Variants in PEAK1 observed in about 807,000 individuals in gnomAD.
PEAK1 encodes pseudopodium enriched atypical kinase 1.
A neutral mutation model predicts 124.7 loss-of-function variants in PEAK1; 54 were observed. The observed-to-expected ratio is 0.43, with a 90% CI of 0.35 to 0.54. PEAK1 has a LOEUF of 0.54. Among genes scored for constraint, PEAK1 ranks in the 20% least tolerant of loss-of-function variants. The probability of loss-of-function intolerance (pLI) is 0.01; values close to 1 mark genes in which losing one functional copy is unlikely to be tolerated. For synonymous variants in PEAK1, 719 were observed against 760.0 expected (o/e 0.95, Z 0.89); for missense variants, 2,046 against 2,134.5 (o/e 0.96, Z 0.82).
At chr15:77,372,259 G>A (rs963621675) in intron 1 of PEAK1, among the ~76,000 whole-genome samples, 2 of 152,096 alleles carry the variant, frequency 1.3e-5, no homozygotes, top group Non-Finnish European at 2.9e-5. Flanking sequence ...CCTTAAAGGG[G>A]TCCACATACT....
intron 1 of PEAK1, among the ~76,000 whole-genome samples, chr15:77,385,150 CA>C (rs1452314386): frequency 6.6e-6 from 1 of 152,074 alleles, no homozygotes; most frequent in Non-Finnish European, 1.5e-5. Context: ...TGCCTACACC[CA>C]AAACCACACT....
At chr15:77,271,092 C>A (rs1300804089) in intron 5 of PEAK1, among the ~76,000 whole-genome samples, 1 of 151,996 alleles carries the variant, frequency 6.6e-6, no homozygotes, top group East Asian at 1.9e-4. Flanking sequence ...AAGAAAAAAA[C>A]AAACAACCCC....
chr15:77,124,702 CTTATG>C (rs2052222520), intron 9 of PEAK1, among the ~76,000 whole-genome samples: 1 of 152,186 alleles, frequency 6.6e-6, no homozygotes, highest in African/African-American at 2.4e-5. Context: ...CATCCAAAAT[CTTATG>C]TTATTTCTGT....
At chr15:77,333,145 T>A (rs2065995081) in intron 2 of PEAK1, 1 of 873,584 alleles carries the variant, frequency 1.1e-6, no homozygotes, top group Non-Finnish European at 1.4e-6. Context: ...TAAAACACTT[T>A]ATTTATTTAT....
At chr15:77,341,957 G>C (rs1442335765) in intron 2 of PEAK1, among the ~76,000 whole-genome samples, 1 of 151,880 alleles carries the variant, frequency 6.6e-6, no homozygotes, top group Non-Finnish European at 1.5e-5. Context: ...TTTTAGAACA[G>C]TTTTAGATTT....
intron 2 of PEAK1, among the ~76,000 whole-genome samples, chr15:77,322,829 C>G (rs1056124977): frequency 5.3e-5 from 8 of 151,800 alleles, no homozygotes; most frequent in African/African-American, 1.9e-4. Context: ...ACAACAACAA[C>G]AAAAAAAGAA....
intron 1 of PEAK1, among the ~76,000 whole-genome samples, chr15:77,413,974 C>T (rs563119493): frequency 3.3e-5 from 5 of 152,032 alleles, no homozygotes; most frequent in South Asian, 4.1e-4. Flanking sequence ...CAGGCACATG[C>T]CACCACACCC....
chr15:77,336,650 G>T, intron 2 of PEAK1: 1 of 516,790 alleles, frequency 1.9e-6, no homozygotes, highest in Non-Finnish European at 2.5e-6. Context: ...TCCAACAACA[G>T]ATCAATCACA....
intron 5 of PEAK1, among the ~76,000 whole-genome samples, chr15:77,264,125 G>A (rs1432256102): frequency 6.6e-5 from 10 of 152,050 alleles, no homozygotes; most frequent in South Asian, 2.1e-4. Flanking sequence ...AGAGCTATCT[G>A]TGACAAACCC....
intron 7 of PEAK1, 143 bp from the exon 8 acceptor site, chr15:77,158,839 C>A (rs996872596): frequency 2.7e-6 from 2 of 743,730 alleles, no homozygotes; most frequent in Admixed American, 5.4e-5. Context: ...GGCAGTACTT[C>A]ATTTAGGCAG....
intron 9 of PEAK1, among the ~76,000 whole-genome samples, chr15:77,132,729 T>C (rs2052982477): frequency 6.6e-6 from 1 of 151,810 alleles, no homozygotes; most frequent in African/African-American, 2.4e-5. Context: ...CTTTGACTTC[T>C]TGAGTTTGGG....
At chr15:77,144,144 G>A (rs1016477799) in intron 8 of PEAK1, among the ~76,000 whole-genome samples, 5 of 152,144 alleles carry the variant, frequency 3.3e-5, no homozygotes, top group East Asian at 1.9e-4. Flanking sequence ...GGTGAAGAAC[G>A]GCTGATCGTG....
chr15:77,133,788 G>GT lies in PEAK1; in HGVS notation c.3332-39dup. Reference sequence around the variant, plus strand: ...TAAAGCAATAAAAAGAAAAGAGTAAGTAAAGTTTTCAATCTAATTTTATAA... The same window carrying GT: ...TAAAGCAATAAAAAGAAAAGAGTAAGTTAAAGTTTTCAATCTAATTTTATAA... On this transcript the variant is annotated intron_variant, in intron 8 of 9. Transcript: ENST00000682557. This position sits in a 1 kb window ranked among gnomAD's most constrained non-coding sequence, Gnocchi z 4.2. 2.0e-6 allele frequency: 3 copies of GT among 1,508,558 alleles called. No homozygotes were observed. Among genetic ancestry groups the GT allele is most frequent in the Non-Finnish European group, 2.7e-6 (3 of 1,131,836 alleles). The allele number at this position is 1,508,558 out of a possible 1,614,324, so 93.4% of individuals were successfully genotyped here.
chr15:77,420,887 C>T (rs746815689), upstream of PEAK1: 75 of 398,620 alleles, frequency 1.9e-4, no homozygotes, highest in Middle Eastern at 1.9e-3. Flanking sequence ...AATTTTTGTC[C>T]AGCTGTGAGA....
At chr15:77,316,301 C>T (rs76891316) in intron 2 of PEAK1, among the ~76,000 whole-genome samples, 1,561 of 152,226 alleles carry the variant, frequency 0.01, 32 homozygotes, top group African/African-American at 0.036. Context: ...TTCTGTAATG[C>T]CATCACCACA....
At chr15:77,298,250 G>T (rs1226975206) in intron 2 of PEAK1, among the ~76,000 whole-genome samples, 1 of 82,968 alleles carries the variant, frequency 1.2e-5, no homozygotes, top group Non-Finnish European at 2.1e-5. Context: ...AGGTAGTCTC[G>T]CTGTGCTGCC....
intron 1 of PEAK1, among the ~76,000 whole-genome samples, chr15:77,413,355 T>C (rs1348282580): frequency 1.3e-5 from 2 of 152,128 alleles, no homozygotes; most frequent in Non-Finnish European, 1.5e-5. Context: ...AAAGGAAAAA[T>C]AGTAACTTTA....
rs141001031 is a variant in PEAK1 at position 77,316,392 on chromosome 15, T to C, written c.-602-29888A>G. Reference sequence around the variant, plus strand: ...TATTTATCTATGTACTATTCCTTCATCACCCATTTCCTGATTCTTACATAA... The same window carrying C: ...TATTTATCTATGTACTATTCCTTCACCACCCATTTCCTGATTCTTACATAA... On this transcript the variant is annotated intron_variant, in intron 2 of 9. Transcript: ENST00000682557. Among the ~76,000 whole-genome samples, 735 of 152,286 alleles carry C rather than the reference T, an allele frequency of 4.8e-3. 4 individuals carry two copies. The highest frequency in any genetic ancestry group is 0.016 in the African/African-American group (681 of 41,558).
intron 6 of PEAK1, among the ~76,000 whole-genome samples, chr15:77,194,010 T>C (rs1361786042): frequency 6.6e-6 from 1 of 152,178 alleles, no homozygotes; most frequent in Non-Finnish European, 1.5e-5. Flanking sequence ...GCTCCAGACT[T>C]CGGCTGCCTA....
Sources: gnomAD v4.1 joint callset for allele counts (sites outside exome capture counted in the v4.1 genomes callset) on GRCh38, gnomAD v4.1.1 for gene constraint, Gnocchi (gnomAD v3.1) non-coding constraint, MANE v1.5 for transcripts, NCBI Gene and HGNC (gene_info 2026-07-23, HGNC 2026-07-21) for gene names.